Variants in TACR3 observed in about 807,000 individuals in gnomAD.
The protein encoded by TACR3 is tachykinin receptor 3.
TACR3 carries 34 observed loss-of-function variants against 35.0 expected under a neutral mutation model. The ratio of observed to expected loss-of-function variants is 0.97; its 90% CI spans 0.74 to 1.30. The LOEUF (loss-of-function observed/expected upper bound fraction) is 1.30, where lower values mean the gene tolerates loss of function less well. TACR3 is among the 50% of genes most tolerant of loss of function. The pLI is 0.00. For missense variants in TACR3, 558 were observed against 591.7 expected (o/e 0.94, Z 0.59); for synonymous variants, 233 against 221.1 (o/e 1.05, Z -0.48).
intron 3 of TACR3, among the ~76,000 whole-genome samples, chr4:103,617,252 G>T (rs1724679989): frequency 6.6e-6 from 1 of 152,028 alleles, no homozygotes; most frequent in African/African-American, 2.4e-5. Flanking sequence ...GAAAAAGTTA[G>T]TTATAATGAG....
At chr4:103,649,845 C>T (rs980902243) in intron 3 of TACR3, among the ~76,000 whole-genome samples, 19 of 152,158 alleles carry the variant, frequency 1.2e-4, no homozygotes, top group African/African-American at 3.4e-4. Flanking sequence ...TCCTTGGTGA[C>T]TTATTTAGTT....
At chr4:103,602,083 T>G (rs1042419359) in intron 3 of TACR3, among the ~76,000 whole-genome samples, 4 of 152,154 alleles carry the variant, frequency 2.6e-5, no homozygotes, top group Non-Finnish European at 4.4e-5. Flanking sequence ...CTTTGTTCAT[T>G]TCTTTTTATT....
At chr4:103,617,606 A>G (rs770421314) in intron 3 of TACR3, among the ~76,000 whole-genome samples, 26 of 152,202 alleles carry the variant, frequency 1.7e-4, no homozygotes, top group Non-Finnish European at 2.4e-4. Flanking sequence ...ACTCATAAAC[A>G]TAAGAATTGG....
At chr4:103,599,811 G>C (rs112484638) in intron 3 of TACR3, among the ~76,000 whole-genome samples, 4 of 152,272 alleles carry the variant, frequency 2.6e-5, no homozygotes, top group Non-Finnish European at 5.9e-5. Flanking sequence ...AAGCCCCCTT[G>C]ATCATGGTGG....
At chr4:103,688,270 C>T (rs1410514415) in intron 1 of TACR3, among the ~76,000 whole-genome samples, 24 of 152,212 alleles carry the variant, frequency 1.6e-4, no homozygotes, top group Admixed American at 9.8e-4. Context: ...AAGACTTAAA[C>T]GTTAGATCTA....
chr4:103,607,766 G>A (rs1424107119), intron 3 of TACR3, among the ~76,000 whole-genome samples: 1 of 152,110 alleles, frequency 6.6e-6, no homozygotes, highest in Non-Finnish European at 1.5e-5. Context: ...CCCCAAATAA[G>A]TCAGACATTT....
intron 1 of TACR3, among the ~76,000 whole-genome samples, chr4:103,669,077 T>C (rs1725998069): frequency 6.6e-6 from 1 of 152,182 alleles, no homozygotes; most frequent in Non-Finnish European, 1.5e-5. Flanking sequence ...TCTGTCTTTC[T>C]GTGCTTGGCT....
Position 103,719,228 on chromosome 4 carries a change from C to A in TACR3, c.448G>T (p.Glu150Ter), listed in dbSNP as rs1334964121. ...CAGTAGTTGGCGCCAAAGTACCACT[C>A]GCTATGAAGCGCGTAGATGAAATTG... ...LVNFIYALHS[E>*]WYFGANYCRF... Residue 150 changes from glutamate to a stop codon, truncating the protein, a stop_gained, in exon 1 of 5, where the codon GAG becomes TAG. Coordinates refer to ENST00000304883, the MANE Select transcript of TACR3 (RefSeq NM_001059.3). LOFTEE classifies it high-confidence loss of function. 2.5e-6 allele frequency: 4 copies of A among 1,614,182 alleles called. No individual in the cohort carries two copies. The highest frequency in any genetic ancestry group is 2.5e-6 in the Non-Finnish European group (3 of 1,180,046).
At chr4:103,669,803 A>G (rs75571131) in intron 1 of TACR3, among the ~76,000 whole-genome samples, 5,317 of 151,926 alleles carry the variant, frequency 0.035, 303 homozygotes, top group African/African-American at 0.12. Flanking sequence ...GCTGTGCAGA[A>G]GATTTTTTTC....
chr4:103,620,940 A>T (rs1233265557), intron 3 of TACR3, among the ~76,000 whole-genome samples: 1 of 152,234 alleles, frequency 6.6e-6, no homozygotes, highest in Non-Finnish European at 1.5e-5. Flanking sequence ...TTAATCTTAT[A>T]AGCATTTATA....
At chr4:103,599,260 G>A (rs916638032) in intron 3 of TACR3, among the ~76,000 whole-genome samples, 14 of 152,110 alleles carry the variant, frequency 9.2e-5, no homozygotes, top group African/African-American at 2.9e-4. Context: ...CTGTTTGTCT[G>A]TTATTGGTGT....
At chr4:103,684,144 A>G (rs1165365770) in intron 1 of TACR3, among the ~76,000 whole-genome samples, 2 of 152,222 alleles carry the variant, frequency 1.3e-5, no homozygotes, top group African/African-American at 4.8e-5. Context: ...AAAAAACTGT[A>G]TATTTTTGCT....
chr4:103,611,706 G>A (rs890609181), intron 3 of TACR3, among the ~76,000 whole-genome samples: 2 of 151,986 alleles, frequency 1.3e-5, no homozygotes, highest in African/African-American at 2.4e-5. Context: ...TGATTCTGGA[G>A]CAAAAGGCCA....
rs1723770885 is a variant in TACR3 at position 103,586,277 on chromosome 4, T to C, written c.*3405A>G. 1 of 151,964 alleles carries C rather than the reference T, an allele frequency of 6.6e-6. No individual in the cohort carries two copies. Among genetic ancestry groups the C allele is most frequent in the Admixed American group, 6.6e-5 (1 of 15,218 alleles). The allele number at this position is 151,964 out of a possible 1,614,324, so 9.4% of individuals were successfully genotyped here. A position where few individuals can be genotyped will look rare whatever the true frequency, so the allele number is the denominator to read the frequency against. On this transcript the variant is annotated 3_prime_UTR_variant, in exon 5 of 5. Transcript: ENST00000304883. ...CCTTGTACAGCCCTTCTGAACTTTA[T>C]TCTCTATTCCTGCTTGGCCCTAAGG...
At chr4:103,593,124 AAAAC>A (rs1456782441) in intron 3 of TACR3, among the ~76,000 whole-genome samples, 3 of 152,194 alleles carry the variant, frequency 2.0e-5, no homozygotes, top group African/African-American at 7.2e-5. Context: ...ATATTTGTGA[AAAAC>A]AAATGATTTA....
chr4:103,639,962 T>G (rs548797905), intron 3 of TACR3, among the ~76,000 whole-genome samples: 6 of 152,102 alleles, frequency 3.9e-5, no homozygotes, highest in African/African-American at 1.4e-4. Flanking sequence ...ATCTTTTAAT[T>G]AATAATCATA....
chr4:103,634,159 T>G (rs1405926115), intron 3 of TACR3, among the ~76,000 whole-genome samples: 1 of 152,160 alleles, frequency 6.6e-6, no homozygotes, highest in African/African-American at 2.4e-5. Flanking sequence ...ATTCACTTTT[T>G]TCCCAAAGGA....
rs192361498 is a variant in TACR3 at position 103,596,682 on chromosome 4, C to G, written c.889-4999G>C. On this transcript the variant is annotated intron_variant, in intron 3 of 4. Transcript: ENST00000304883. ...GGTTTGTTACATATGGATACATGTC[C>G]CATGTTGGTCTGCTGCACCCATTAA... is the stretch of plus-strand genomic sequence containing the variant. 2.5e-3 allele frequency among the ~76,000 whole-genome samples: 383 copies of G among 151,900 alleles called. 3 individuals carry two copies. Among genetic ancestry groups the G allele is most frequent in the Admixed American group, 4.7e-3 (71 of 15,214 alleles).
intron 3 of TACR3, among the ~76,000 whole-genome samples, chr4:103,608,640 A>C (rs1724439709): frequency 6.6e-6 from 1 of 152,128 alleles, no homozygotes; most frequent in African/African-American, 2.4e-5. Context: ...TAATTTTCTA[A>C]AATTAAACAT....
Sources: allele counts gnomAD v4.1 joint callset (sites outside exome capture counted in the v4.1 genomes callset), GRCh38; gene constraint gnomAD v4.1.1; transcripts MANE v1.5; gene names NCBI Gene and HGNC (gene_info 2026-07-23, HGNC 2026-07-21).